Variants in VAMP1 observed in about 807,000 individuals in gnomAD.
VAMP1 encodes vesicle-associated membrane protein 1.
Under a neutral mutation model 19.1 loss-of-function variants are expected in VAMP1, and 16 were observed. The observed-to-expected ratio is 0.84, with a 90% CI of 0.57 to 1.27. The LOEUF (loss-of-function observed/expected upper bound fraction) is 1.27. Among genes scored for constraint, VAMP1 ranks in the 50% most tolerant of loss-of-function variants. The pLI is 0.00. For missense variants in VAMP1, 109 were observed against 145.4 expected, an observed-to-expected ratio of 0.75 and a Z score of 1.29; for synonymous variants, 37 against 50.2, an observed-to-expected ratio of 0.74 and a Z score of 1.11.
chr12:6,469,023 C>G (rs1320480433), intron 1 of VAMP1, among the ~76,000 whole-genome samples: 1 of 152,222 alleles, frequency 6.6e-6, no homozygotes, highest in East Asian at 1.9e-4. Flanking sequence ...GAAGCTCATT[C>G]TCCTTGATTA....
chr12:6,463,125 A>C lies in VAMP1; in HGVS notation c.*1345T>G. On this transcript the variant is annotated 3_prime_UTR_variant, in exon 5 of 5. Transcript: ENST00000396308. This position sits in a 1 kb window ranked among gnomAD's most constrained non-coding sequence, Gnocchi z 4.0. ...CCCGAAGATAGGCTGAGCAGATCCC[A>C]TCCTCAGGTTCCACTGTCTATACAC... 1 of 1,491,700 alleles carries C rather than the reference A, an allele frequency of 6.7e-7. No homozygotes were observed. The allele number at this position is 1,491,700 out of a possible 1,614,324, so 92.4% of individuals were successfully genotyped here. A position where few individuals can be genotyped will look rare whatever the true frequency, so the allele number is the denominator to read the frequency against.
At position 6,463,759 on chromosome 12, in the gene VAMP1, C is replaced by A; in HGVS notation, c.*711G>T. 1 of 1,168,276 alleles carries A rather than the reference C, an allele frequency of 8.6e-7. No individual in the cohort carries two copies. Among genetic ancestry groups the A allele is most frequent in the African/African-American group, 1.6e-5 (1 of 61,952 alleles). The allele number at this position is 1,168,276 out of a possible 1,614,324, so 72.4% of individuals were successfully genotyped here. A position where few individuals can be genotyped will look rare whatever the true frequency, so the allele number is the denominator to read the frequency against. Reference sequence around the variant, plus strand: ...AGAGAAAGCTCCTTCCAGCTAGAAGCACATGGGACTGCTTCTAGGATGGAA... The same window carrying A: ...AGAGAAAGCTCCTTCCAGCTAGAAGAACATGGGACTGCTTCTAGGATGGAA... On this transcript the variant is annotated 3_prime_UTR_variant, in exon 5 of 5. Transcript: ENST00000396308. The surrounding 1 kb of genome is among the most constrained non-coding windows in gnomAD (Gnocchi z 4.0).
chr12:6,463,325 C>G lies in VAMP1; in HGVS notation c.*1145G>C, dbSNP rs1041272254. 3 of 1,185,418 alleles carry G rather than the reference C, an allele frequency of 2.5e-6. No homozygotes were observed. Among genetic ancestry groups the G allele is most frequent in the Non-Finnish European group, 3.2e-6 (3 of 950,610 alleles). The allele number at this position is 1,185,418 out of a possible 1,614,324, so 73.4% of individuals were successfully genotyped here. On this transcript the variant is annotated 3_prime_UTR_variant, in exon 5 of 5. Transcript: ENST00000396308. This position sits in a 1 kb window ranked among gnomAD's most constrained non-coding sequence, Gnocchi z 4.0. ...CTGACACAGGCTGGCACGCCTCCCC[C>G]CAAGGTGGGGCTGGTGGGTCTACAT...
rs1427207851 is a variant in VAMP1, at chr12:6,464,232, C to G, written c.*238G>C. The G allele has an allele frequency of 6.6e-7, 1 of 1,515,808 alleles. No individual in the cohort carries two copies. Among genetic ancestry groups the G allele is most frequent in the East Asian group, 2.5e-5 (1 of 39,362 alleles). 93.9% of individuals were successfully genotyped at this position (1,515,808 alleles called of 1,614,324 possible). ...AACTTGAGAGTACAGAAAAAGCAGG[C>G]AGGGAGGAGGCGCCAGCTGTTGCTC... On this transcript the variant is annotated 3_prime_UTR_variant, in exon 5 of 5. Transcript: ENST00000396308.
In VAMP1 at chr12:6,462,771, GGA is replaced by G. The variant is rs1226178252; in HGVS notation, c.*1697_*1698del. 2 of 1,533,450 alleles carry G rather than the reference GGA, an allele frequency of 1.3e-6. No homozygotes were observed. The highest frequency in any genetic ancestry group is 1.8e-6 in the Non-Finnish European group (2 of 1,128,578). 95.0% of individuals were successfully genotyped at this position (1,533,450 alleles called of 1,614,324 possible). A position where few individuals can be genotyped will look rare whatever the true frequency, so the allele number is the denominator to read the frequency against. On this transcript the variant is annotated 3_prime_UTR_variant, in exon 5 of 5. Coordinates refer to ENST00000396308, the MANE Select transcript of VAMP1 (RefSeq NM_014231.5). Reference sequence around the variant, plus strand: ...TGCATTAGGCAAGGAGGAGCCCAGAGGAGAGTGGAGACCTTCGAGGGGGGCCG... The same window carrying G: ...TGCATTAGGCAAGGAGGAGCCCAGAGGAGTGGAGACCTTCGAGGGGGGCCG...
Position 6,465,411 on chromosome 12 carries a change from T to TACGTATATATATAC in VAMP1, c.288+430_288+431insGTATATATATACGT. 4.3e-5 allele frequency: 3 copies of TACGTATATATATAC among 70,324 alleles called. No homozygotes were observed. In the East Asian group the frequency reaches 2.4e-3, roughly 55 times the overall value. 4.4% of individuals were successfully genotyped at this position (70,324 alleles called of 1,614,324 possible). A position where few individuals can be genotyped will look rare whatever the true frequency, so the allele number is the denominator to read the frequency against. ...GTATATATATATATAAATGTATATA[T>TACGTATATATATAC]ATGTATATATATATATAAATGTATA... is the stretch of plus-strand genomic sequence containing the variant. On this transcript the variant is annotated intron_variant, in intron 3 of 4. Coordinates refer to ENST00000396308, the MANE Select transcript of VAMP1 (RefSeq NM_014231.5).
In VAMP1 at chr12:6,463,797, A is replaced by G. The variant is rs755103226; in HGVS notation, c.*673T>C. On this transcript the variant is annotated 3_prime_UTR_variant, in exon 5 of 5. Coordinates refer to ENST00000396308, the MANE Select transcript of VAMP1 (RefSeq NM_014231.5). This position sits in a 1 kb window ranked among gnomAD's most constrained non-coding sequence, Gnocchi z 4.0. ...TTCTAGGATGGAAACAAGTCCTGCT[A>G]TTTTCACAATCCCTAAGTGTTCTCC... is the stretch of plus-strand genomic sequence containing the variant. The G allele has an allele frequency of 8.4e-7, 1 of 1,189,394 alleles. No homozygotes were observed. Among genetic ancestry groups the G allele is most frequent in the Non-Finnish European group, 1.1e-6 (1 of 943,320 alleles). 73.7% of individuals were successfully genotyped at this position (1,189,394 alleles called of 1,614,324 possible).
chr12:6,462,486 G>A lies in VAMP1; in HGVS notation c.*1984C>T, dbSNP rs1949901102. 2.0e-6 allele frequency: 1 copy of A among 494,102 alleles called. No homozygotes were observed. Among genetic ancestry groups the A allele is most frequent in the South Asian group, 3.1e-5 (1 of 31,804 alleles). The allele number at this position is 494,102 out of a possible 1,614,324, so 30.6% of individuals were successfully genotyped here. A position where few individuals can be genotyped will look rare whatever the true frequency, so the allele number is the denominator to read the frequency against. ...GACTGCAAAGTCCCAGGGTTTTGTT[G>A]CACATTTGCTCATGCACATGGGTGG... On this transcript the variant is annotated 3_prime_UTR_variant, in exon 5 of 5. Coordinates refer to ENST00000396308, the MANE Select transcript of VAMP1 (RefSeq NM_014231.5).
chr12:6,465,452 ATATG>A (rs1949996984), intron 3 of VAMP1: 1 of 131,746 alleles, frequency 7.6e-6, no homozygotes, highest in East Asian at 2.9e-4. Flanking sequence ...GTATATATAC[ATATG>A]TGTATATATA....
At chr12:6,470,446 C>A in intron 1 of VAMP1, 84 bp downstream of exon 1, 1 of 1,596,442 alleles carries the variant, frequency 6.3e-7, no homozygotes, top group Non-Finnish European at 8.6e-7. Context: ...TGCTGCATTG[C>A]GCCATTTTCC....
Position 6,465,996 on chromosome 12 carries a change from A to G in VAMP1, c.134T>C (p.Val45Ala). Residue 45 changes from valine (V) to alanine (A), a missense_variant, in exon 3 of 5, where the codon GTG (valine) becomes GCG (alanine). By Grantham distance (64) the Val-to-Ala change is moderately conservative (BLOSUM62 0). Coordinates refer to ENST00000396308, the MANE Select transcript of VAMP1 (RefSeq NM_014231.5). ...QQTQAQVEEV[V>A]DIIRVNVDKV... is the part of the protein sequence containing the mutation. ...GTCCACGTTCACACGTATGATGTCC[A>G]CCACCTGAGGAGGGCACAGAAACAA... 6.2e-7 allele frequency: 1 copy of G among 1,614,236 alleles called. No homozygotes were observed. The highest frequency in any genetic ancestry group is 8.5e-7 in the Non-Finnish European group (1 of 1,180,038).
intron 4 of VAMP1, 92 bp downstream of exon 4, chr12:6,464,798 C>A: frequency 1.3e-6 from 2 of 1,596,596 alleles, no homozygotes; most frequent in Non-Finnish European, 8.5e-7. Flanking sequence ...TCAGTCAGAG[C>A]AGCCCCACTC....
intron 4 of VAMP1, 189 bp from the exon 5 acceptor site, chr12:6,464,675 A>G: frequency 1.4e-6 from 2 of 1,478,696 alleles, no homozygotes; most frequent in South Asian, 2.8e-5. Context: ...AGGAGGCGCC[A>G]TCTCCCTGCA....
At position 6,463,680 on chromosome 12, in the gene VAMP1, G is replaced by C; in HGVS notation, c.*790C>G. 1 of 1,097,920 alleles carries C rather than the reference G, an allele frequency of 9.1e-7. No individual in the cohort carries two copies. Among genetic ancestry groups the C allele is most frequent in the Non-Finnish European group, 1.1e-6 (1 of 895,406 alleles). The allele number at this position is 1,097,920 out of a possible 1,614,324, so 68.0% of individuals were successfully genotyped here. ...ATTATTTGGCTAGATAAAACTACCA[G>C]CTAGATGGATTTATTTGGTGCCCTC... On this transcript the variant is annotated 3_prime_UTR_variant, in exon 5 of 5. Coordinates refer to ENST00000396308, the MANE Select transcript of VAMP1 (RefSeq NM_014231.5). This position sits in a 1 kb window ranked among gnomAD's most constrained non-coding sequence, Gnocchi z 4.0.
At chr12:6,465,097 C>T in intron 3 of VAMP1, 156 bp from the exon 4 acceptor site, 1 of 1,033,824 alleles carries the variant, frequency 9.7e-7, no homozygotes, top group Non-Finnish European at 1.4e-6. Flanking sequence ...GAGGCCCTAC[C>T]CTTCTGCTTC....
intron 1 of VAMP1, among the ~76,000 whole-genome samples, chr12:6,470,003 A>T (rs1404936768): frequency 6.6e-6 from 1 of 152,184 alleles, no homozygotes; most frequent in Non-Finnish European, 1.5e-5. Flanking sequence ...GAGAACTGGC[A>T]GATAAGTTTC....
chr12:6,470,603 C>A lies in VAMP1; in HGVS notation c.-72G>T. 1.3e-6 allele frequency: 2 copies of A among 1,597,482 alleles called. No homozygotes were observed. The highest frequency in any genetic ancestry group is 2.2e-5 in the East Asian group (1 of 44,570). ...GCGAGACACCCGGTGAGGGACGCTG[C>A]GGCTGAAGTGGACGGAACTGCCAAG... is the stretch of plus-strand genomic sequence containing the variant. On this transcript the variant is annotated 5_prime_UTR_variant, in exon 1 of 5. Coordinates refer to ENST00000396308, the MANE Select transcript of VAMP1 (RefSeq NM_014231.5).
chr12:6,463,693 A>G lies in VAMP1; in HGVS notation c.*777T>C. On this transcript the variant is annotated 3_prime_UTR_variant, in exon 5 of 5. Coordinates refer to ENST00000396308, the MANE Select transcript of VAMP1 (RefSeq NM_014231.5). This position sits in a 1 kb window ranked among gnomAD's most constrained non-coding sequence, Gnocchi z 4.0. ...ATAAAACTACCAGCTAGATGGATTTATTTGGTGCCCTCATACAGAATGCTG... is the reference window on the plus strand; with the variant it reads ...ATAAAACTACCAGCTAGATGGATTTGTTTGGTGCCCTCATACAGAATGCTG... 1 of 1,106,852 alleles carries G rather than the reference A, an allele frequency of 9.0e-7. No homozygotes were observed. The highest frequency in any genetic ancestry group is 1.1e-6 in the Non-Finnish European group (1 of 900,356). The allele number at this position is 1,106,852 out of a possible 1,614,324, so 68.6% of individuals were successfully genotyped here.
chr12:6,463,518 G>A lies in VAMP1; in HGVS notation c.*952C>T, dbSNP rs1949933304. On this transcript the variant is annotated 3_prime_UTR_variant, in exon 5 of 5. Transcript: ENST00000396308. The surrounding 1 kb of genome is among the most constrained non-coding windows in gnomAD (Gnocchi z 4.0). ...CTTCATCAACAGGAAGAGAGGAACAGGACCCTCTTTAACGAGGGCAAGGAG... is the reference window on the plus strand; with the variant it reads ...CTTCATCAACAGGAAGAGAGGAACAAGACCCTCTTTAACGAGGGCAAGGAG... The A allele has an allele frequency of 9.5e-7, 1 of 1,048,562 alleles. No homozygotes were observed. Among genetic ancestry groups the A allele is most frequent in the Non-Finnish European group, 1.2e-6 (1 of 867,542 alleles). The allele number at this position is 1,048,562 out of a possible 1,614,324, so 65.0% of individuals were successfully genotyped here.
Sources: gnomAD v4.1 joint callset for allele counts (sites outside exome capture counted in the v4.1 genomes callset) on GRCh38, gnomAD v4.1.1 for gene constraint, Gnocchi (gnomAD v3.1) non-coding constraint, MANE v1.5 for transcripts, NCBI Gene and HGNC (gene_info 2026-07-23, HGNC 2026-07-21) for gene names.